The following FHIT variants were observed in gnomAD, a reference collection of about 807,000 sequenced individuals.
FHIT encodes the protein fragile histidine triad diadenosine triphosphatase, also known as bis(5'-adenosyl)-triphosphatase.
A neutral mutation model predicts 17.9 loss-of-function variants in FHIT; 19 were observed. The ratio of observed to expected loss-of-function variants is 1.06; its 90% CI spans 0.74 to 1.56. FHIT has a LOEUF of 1.56. FHIT is among the 40% of genes most tolerant of loss of function. The pLI, the probability that FHIT is intolerant of heterozygous loss-of-function variation, is 0.00. For missense variants in FHIT, 248 were observed against 189.2 expected, an observed-to-expected ratio of 1.31 and a Z score of -1.82; for synonymous variants, 81 against 69.7, an observed-to-expected ratio of 1.16 and a Z score of -0.81.
intron 4 of FHIT, among the ~76,000 whole-genome samples, chr3:60,664,250 T>C (rs1327514449): frequency 6.6e-6 from 1 of 152,288 alleles, no homozygotes; most frequent in Non-Finnish European, 1.5e-5. Context: ...TTTTCTTCTG[T>C]AGCTTATTTC....
intron 7 of FHIT, among the ~76,000 whole-genome samples, chr3:59,992,246 T>C (rs1213077977): frequency 6.6e-6 from 1 of 152,062 alleles, no homozygotes; most frequent in African/African-American, 2.4e-5. Flanking sequence ...AGAAGTGACC[T>C]GCCATCAAGC....
At chr3:61,249,933 AACACACAC>A (rs71100943) in intron 1 of FHIT, among the ~76,000 whole-genome samples, 9,095 of 125,984 alleles carry the variant, frequency 0.072, 372 homozygotes, top group African/African-American at 0.12. Context: ...AATCAATAAC[AACACACAC>A]ACACACACAC....
chr3:60,804,948 A>G (rs1350102445), intron 4 of FHIT, among the ~76,000 whole-genome samples: 2 of 152,192 alleles, frequency 1.3e-5, no homozygotes, highest in African/African-American at 2.4e-5. Flanking sequence ...TGCCTGTTAT[A>G]TTTCCTTTTC....
chr3:60,957,275 T>TC (rs1709213894), intron 3 of FHIT, among the ~76,000 whole-genome samples: 1 of 148,886 alleles, frequency 6.7e-6, no homozygotes. Context: ...TCTCACTTTG[T>TC]TGCTCAGGCT....
At chr3:61,235,375 C>G (rs775699407) in intron 1 of FHIT, among the ~76,000 whole-genome samples, 1 of 151,836 alleles carries the variant, frequency 6.6e-6, no homozygotes, top group Admixed American at 6.6e-5. Flanking sequence ...GGATGAAATA[C>G]GAAAATCTAC....
intron 4 of FHIT, among the ~76,000 whole-genome samples, chr3:60,727,634 T>G (rs1553709924): frequency 6.6e-6 from 1 of 152,256 alleles, no homozygotes; most frequent in African/African-American, 2.4e-5. Flanking sequence ...ATTTGTCCTA[T>G]TACTAAAATA....
chr3:59,934,072 T>G (rs1054271391), intron 7 of FHIT, among the ~76,000 whole-genome samples: 1 of 152,146 alleles, frequency 6.6e-6, no homozygotes, highest in African/African-American at 2.4e-5. Flanking sequence ...CTTTACTTAT[T>G]ATCATCACAA....
intron 1 of FHIT, among the ~76,000 whole-genome samples, chr3:61,226,927 G>A (rs1000525269): frequency 3.3e-5 from 5 of 152,122 alleles, no homozygotes; most frequent in African/African-American, 1.2e-4. Flanking sequence ...AGAGTTTACA[G>A]TCTAGGATAA....
intron 5 of FHIT, among the ~76,000 whole-genome samples, chr3:60,406,829 C>T (rs1431906524): frequency 1.3e-5 from 2 of 152,100 alleles, no homozygotes; most frequent in East Asian, 3.9e-4. Context: ...CAAAATTGGG[C>T]ACATTTCCCA....
At chr3:60,839,041 A>G (rs1553744384) in intron 3 of FHIT, among the ~76,000 whole-genome samples, 1 of 152,018 alleles carries the variant, frequency 6.6e-6, no homozygotes, top group Non-Finnish European at 1.5e-5. Context: ...GGTATAGAAC[A>G]CCCATTGGAA....
chr3:59,769,634 T>C (rs983132434), intron 8 of FHIT, among the ~76,000 whole-genome samples: 1 of 152,200 alleles, frequency 6.6e-6, no homozygotes, highest in Admixed American at 6.5e-5. Flanking sequence ...TTGATAATTA[T>C]GTTTCGGATA....
At chr3:61,058,346 G>A (rs1476804733) in intron 2 of FHIT, among the ~76,000 whole-genome samples, 3 of 152,240 alleles carry the variant, frequency 2.0e-5, no homozygotes, top group South Asian at 4.1e-4. Flanking sequence ...TGAGATGGTC[G>A]GTAAGATAAC....
intron 3 of FHIT, among the ~76,000 whole-genome samples, chr3:60,897,758 C>A (rs1156274254): frequency 2.0e-5 from 3 of 152,236 alleles, no homozygotes; most frequent in African/African-American, 2.4e-5. Context: ...CTCAGCAGGC[C>A]AGCTTCACTA....
intron 4 of FHIT, among the ~76,000 whole-genome samples, chr3:60,759,823 T>C (rs1323418677): frequency 6.6e-6 from 1 of 152,110 alleles, no homozygotes; most frequent in African/African-American, 2.4e-5. Flanking sequence ...GGAGAGAACA[T>C]GTGCAGGCAA....
At chr3:60,929,624 A>T (rs1707842107) in intron 3 of FHIT, among the ~76,000 whole-genome samples, 1 of 152,206 alleles carries the variant, frequency 6.6e-6, no homozygotes, top group Non-Finnish European at 1.5e-5. Context: ...TGCTTCAAAG[A>T]GAATAAAATA....
intron 5 of FHIT, among the ~76,000 whole-genome samples, chr3:60,306,802 G>T (rs940141206): frequency 6.6e-6 from 1 of 152,074 alleles, no homozygotes; most frequent in African/African-American, 2.4e-5. Flanking sequence ...ATCACACTTG[G>T]CATGTTTAAA....
intron 4 of FHIT, among the ~76,000 whole-genome samples, chr3:60,543,155 A>G (rs1389951642): frequency 4.6e-5 from 7 of 152,162 alleles, no homozygotes; most frequent in African/African-American, 1.4e-4. Flanking sequence ...GTCTGTTGCA[A>G]TTACTCAACT....
At chr3:60,537,495 G>A (rs2036027054) in intron 4 of FHIT, 2 of 978,622 alleles carry the variant, frequency 2.0e-6, no homozygotes, top group Non-Finnish European at 2.4e-6. Context: ...CACTTCCAGA[G>A]AACTATTCTA....
At chr3:60,632,803 T>C (rs2039480735) in intron 4 of FHIT, among the ~76,000 whole-genome samples, 1 of 152,194 alleles carries the variant, frequency 6.6e-6, no homozygotes, top group South Asian at 2.1e-4. Flanking sequence ...AAGTTCTCTT[T>C]TGAGAATGGA....
Sources: allele counts gnomAD v4.1 joint callset (sites outside exome capture counted in the v4.1 genomes callset), GRCh38; gene constraint gnomAD v4.1.1; transcripts MANE v1.5; gene names NCBI Gene and HGNC (gene_info 2026-07-23, HGNC 2026-07-21).